SMAD7: variants seen among roughly 807,000 people sequenced by gnomAD.
SMAD7 encodes SMAD family member 7, also known as MAD (mothers against decapentaplegic, Drosophila) homolog 7.
Under a neutral mutation model 38.7 loss-of-function variants are expected in SMAD7, and 8 were observed. The observed-to-expected ratio is 0.21, with a 90% CI of 0.12 to 0.37. The LOEUF (loss-of-function observed/expected upper bound fraction) is 0.37, where lower values mean the gene tolerates loss of function less well. Among genes scored for constraint, SMAD7 ranks in the 10% least tolerant of loss-of-function variants. The pLI, the probability that SMAD7 is intolerant of heterozygous loss-of-function variation, is 1.00. For missense variants in SMAD7, 477 were observed against 577.9 expected (o/e 0.83, Z 1.79); for synonymous variants, 327 against 265.1 (o/e 1.23, Z -2.27).
chr18:48,925,556 A>T (rs1302310014), intron 3 of SMAD7, among the ~76,000 whole-genome samples: 26 of 152,218 alleles, frequency 1.7e-4, no homozygotes. Flanking sequence ...GGGGAAGACC[A>T]CTTAGCAAGG....
In SMAD7 at chr18:48,921,174, C is replaced by CT. The variant is rs1265027558; in HGVS notation, c.*197dup. The CT allele has an allele frequency of 1.4e-5, 8 of 574,118 alleles. No individual in the cohort carries two copies. The highest frequency in any genetic ancestry group is 2.4e-5 in the Non-Finnish European group (8 of 330,144). The allele number at this position is 574,118 out of a possible 1,614,324, so 35.6% of individuals were successfully genotyped here. On this transcript the variant is annotated 3_prime_UTR_variant, in exon 4 of 4. Coordinates refer to ENST00000262158, the MANE Select transcript of SMAD7 (RefSeq NM_005904.4). The surrounding 1 kb of genome is among the most constrained non-coding windows in gnomAD (Gnocchi z 6.4). ...TCTTCCAAAAAAACCCCCAACAATT[C>CT]TTTTCATAAGCTATTTCTCAAAGAG...
chr18:48,940,025 G>T (rs565457159), intron 3 of SMAD7, among the ~76,000 whole-genome samples: 65 of 152,166 alleles, frequency 4.3e-4, no homozygotes, highest in African/African-American at 1.5e-3. Context: ...GGCCAATAAA[G>T]TTCCCTTTTG....
intron 3 of SMAD7, among the ~76,000 whole-genome samples, chr18:48,937,284 G>GTGTGTGTA (rs2143794775): frequency 6.6e-6 from 1 of 150,668 alleles, no homozygotes; most frequent in Non-Finnish European, 1.5e-5. Context: ...GTGTGTGTGT[G>GTGTGTGTA]TGTGTGTGTG....
intron 3 of SMAD7, among the ~76,000 whole-genome samples, chr18:48,927,693 C>T (rs1265924943): frequency 6.6e-6 from 1 of 152,232 alleles, no homozygotes; most frequent in Non-Finnish European, 1.5e-5. Context: ...GGTCTCATCT[C>T]TGAGGCTCCT....
rs1166342038 is a variant in SMAD7, at chr18:48,950,061, G to A, written c.364C>T (p.Arg122Cys). ...LQAVESRGGT[R>C]TACLLLPGRL... ...CCGGGCAGCAGGAGGCACGCGGTGC[G>A]CGTCCCGCCGCGGGACTCCACGGCC... The change falls in exon 1 of 4, where the codon CGC becomes TGC. Residue 122 changes from arginine (R) to cysteine (C), a missense_variant. This residue lies in a region of SMAD7 where 376 missense variants were observed against 379.4 expected (regional missense o/e 0.99). Transcript: ENST00000262158. 7.0e-7 allele frequency: 1 copy of A among 1,437,078 alleles called. No individual in the cohort carries two copies. Among genetic ancestry groups the A allele is most frequent in the Non-Finnish European group, 9.1e-7 (1 of 1,098,234 alleles). 89.0% of individuals were successfully genotyped at this position (1,437,078 alleles called of 1,614,324 possible). A position where few individuals can be genotyped will look rare whatever the true frequency, so the allele number is the denominator to read the frequency against.
At chr18:48,928,306 T>C (rs548400737) in intron 3 of SMAD7, among the ~76,000 whole-genome samples, 4 of 152,350 alleles carry the variant, frequency 2.6e-5, no homozygotes, top group African/African-American at 4.8e-5. Flanking sequence ...TCCATTTATT[T>C]TTACTACCTT....
intron 3 of SMAD7, among the ~76,000 whole-genome samples, chr18:48,926,949 A>T (rs902751755): frequency 2.0e-5 from 3 of 152,172 alleles, no homozygotes; most frequent in African/African-American, 7.2e-5. Context: ...ATCATAATTC[A>T]CAAGGACCCT....
At chr18:48,934,190 C>A (rs1263132763) in intron 3 of SMAD7, among the ~76,000 whole-genome samples, 1 of 152,160 alleles carries the variant, frequency 6.6e-6, no homozygotes, top group African/African-American at 2.4e-5. Flanking sequence ...CTCCTTCCTC[C>A]AAAGCACAGC....
At chr18:48,927,517 C>T (rs1480758275) in intron 3 of SMAD7, among the ~76,000 whole-genome samples, 1 of 152,186 alleles carries the variant, frequency 6.6e-6, no homozygotes, top group Admixed American at 6.5e-5. Flanking sequence ...AGCCGACCAG[C>T]TACAAAGCCA....
At chr18:48,925,439 C>CA (rs978582610) in intron 3 of SMAD7, among the ~76,000 whole-genome samples, 2 of 150,544 alleles carry the variant, frequency 1.3e-5, no homozygotes, top group East Asian at 3.9e-4. Flanking sequence ...GTTGCCCCCC[C>CA]CCAACCTTCC....
rs1309570821 is a variant in SMAD7, at chr18:48,950,067, C to G, written c.358G>C (p.Gly120Arg). ...AGCAGGAGGCACGCGGTGCGCGTCC[C>G]GCCGCGGGACTCCACGGCCTGGAGC... is the stretch of plus-strand genomic sequence containing the variant. The part of the protein sequence containing the change: ...LLLQAVESRG[G>R]TRTACLLLPG... Residue 120 changes from glycine (G) to arginine (R), a missense_variant, in exon 1 of 4, where the codon GGG becomes CGG. Coordinates refer to ENST00000262158, the MANE Select transcript of SMAD7 (RefSeq NM_005904.4). The G allele has an allele frequency of 2.6e-5, 37 of 1,441,778 alleles. No individual in the cohort carries two copies. Among genetic ancestry groups the G allele is most frequent in the Non-Finnish European group, 3.3e-5 (36 of 1,100,454 alleles). The allele number at this position is 1,441,778 out of a possible 1,614,324, so 89.3% of individuals were successfully genotyped here. A position where few individuals can be genotyped will look rare whatever the true frequency, so the allele number is the denominator to read the frequency against.
At chr18:48,948,668 C>T (rs1278033036) in intron 1 of SMAD7, among the ~76,000 whole-genome samples, 1 of 152,258 alleles carries the variant, frequency 6.6e-6, no homozygotes, top group African/African-American at 2.4e-5. Context: ...GCAGCCGCCG[C>T]GCTCGGCTGG....
At chr18:48,939,741 A>G (rs1706980195) in intron 3 of SMAD7, among the ~76,000 whole-genome samples, 1 of 152,108 alleles carries the variant, frequency 6.6e-6, no homozygotes, top group Admixed American at 6.5e-5. Flanking sequence ...AACAGCACAC[A>G]GGGCCTGTGA....
At chr18:48,934,264 A>G (rs1289224347) in intron 3 of SMAD7, among the ~76,000 whole-genome samples, 1 of 152,072 alleles carries the variant, frequency 6.6e-6, no homozygotes. Flanking sequence ...ACTCCTCACT[A>G]GCACCCTAGA....
At chr18:48,949,672 C>A (rs2143825752) in intron 1 of SMAD7, 140 bp downstream of exon 1, 1 of 914,056 alleles carries the variant, frequency 1.1e-6, no homozygotes, top group Admixed American at 3.3e-5. Context: ...GCACACTCTC[C>A]CAGGAGGGTA....
At chr18:48,947,398 C>T (rs565777627) in intron 2 of SMAD7, among the ~76,000 whole-genome samples, 16 of 152,188 alleles carry the variant, frequency 1.1e-4, no homozygotes, top group Non-Finnish European at 2.1e-4. Context: ...ACGCAGGAGG[C>T]GGAAGGACTT....
chr18:48,938,055 G>C (rs530026767), intron 3 of SMAD7, among the ~76,000 whole-genome samples: 4 of 152,212 alleles, frequency 2.6e-5, no homozygotes, highest in African/African-American at 9.6e-5. Context: ...TTGTTCACGT[G>C]CAGCTGATTA....
intron 3 of SMAD7, among the ~76,000 whole-genome samples, chr18:48,941,609 AT>A (rs1396712540): frequency 6.6e-6 from 1 of 152,192 alleles, no homozygotes; most frequent in East Asian, 1.9e-4. Flanking sequence ...CTCTGCTGGA[AT>A]TTCTGTTTTT....
At chr18:48,936,543 T>C (rs2070068895) in intron 3 of SMAD7, among the ~76,000 whole-genome samples, 2 of 152,200 alleles carry the variant, frequency 1.3e-5, no homozygotes. Flanking sequence ...TAGTTAATAA[T>C]AGTTTTCTCT....
Sources: gnomAD v4.1 joint callset for allele counts (sites outside exome capture counted in the v4.1 genomes callset) on GRCh38, gnomAD v4.1.1 for gene constraint, gnomAD v4.1.1 regional missense constraint, Gnocchi (gnomAD v3.1) non-coding constraint, MANE v1.5 for transcripts, NCBI Gene and HGNC (gene_info 2026-07-23, HGNC 2026-07-21) for gene names.